The following IL19 variants were observed in gnomAD, a reference collection of about 807,000 sequenced individuals.
IL19 encodes the protein interleukin 19, also known as interleukin-19.
Under a neutral mutation model 19.5 loss-of-function variants are expected in IL19, and 15 were observed. The ratio of observed to expected loss-of-function variants is 0.77; its 90% CI spans 0.52 to 1.19. The LOEUF (loss-of-function observed/expected upper bound fraction) is 1.19, where lower values mean the gene tolerates loss of function less well. IL19 is among the 50% of genes most tolerant of loss of function. The probability of loss-of-function intolerance (pLI) is 0.00; values close to 1 mark genes in which losing one functional copy is unlikely to be tolerated. For missense variants in IL19, 199 were observed against 213.1 expected, an observed-to-expected ratio of 0.93 and a Z score of 0.41; for synonymous variants, 78 against 78.3, an observed-to-expected ratio of 1.00 and a Z score of 0.02.
intron 1 of IL19, among the ~76,000 whole-genome samples, chr1:206,777,997 C>A (rs1440880305): frequency 6.6e-6 from 1 of 152,188 alleles, no homozygotes; most frequent in East Asian, 1.9e-4. Flanking sequence ...GCACTGTATT[C>A]CTCTGGGCTT....
intron 1 of IL19, among the ~76,000 whole-genome samples, chr1:206,776,036 G>A (rs1248847898): frequency 6.6e-6 from 1 of 152,184 alleles, no homozygotes; most frequent in Non-Finnish European, 1.5e-5. Context: ...TCCAGTGGGG[G>A]ATGTACTGGG....
intron 2 of IL19, among the ~76,000 whole-genome samples, chr1:206,809,864 T>G (rs1467296457): frequency 6.6e-6 from 1 of 152,232 alleles, no homozygotes; most frequent in Non-Finnish European, 1.5e-5. Context: ...CATCAGTAGA[T>G]TGCATGTTGC....
chr1:206,823,183 G>A (rs985078727), intron 2 of IL19, among the ~76,000 whole-genome samples: 3 of 152,016 alleles, frequency 2.0e-5, no homozygotes, highest in Non-Finnish European at 1.5e-5. Context: ...ACTAGCCTCG[G>A]CATCCCAAAG....
At chr1:206,834,060 T>C in intron 2 of IL19, 2 of 985,582 alleles carry the variant, frequency 2.0e-6, no homozygotes, top group Non-Finnish European at 1.2e-6. Flanking sequence ...GAAAGTGACC[T>C]AAGTTGGATT....
chr1:206,809,718 C>A (rs964961339), intron 2 of IL19, among the ~76,000 whole-genome samples: 1 of 152,166 alleles, frequency 6.6e-6, no homozygotes, highest in African/African-American at 2.4e-5. Flanking sequence ...TTAGATGAGA[C>A]CTGCTTCAAA....
intron 2 of IL19, among the ~76,000 whole-genome samples, 174 bp downstream of exon 2, chr1:206,799,180 G>A (rs566206729): frequency 6.6e-6 from 1 of 152,288 alleles, no homozygotes; most frequent in South Asian, 2.1e-4. Context: ...AGGTTTAGGG[G>A]AGAAGGGGGG....
intron 2 of IL19, among the ~76,000 whole-genome samples, chr1:206,828,426 C>CCTACTCT (rs1676495146): frequency 6.6e-6 from 1 of 152,148 alleles, no homozygotes. Flanking sequence ...CTGGGCATGC[C>CCTACTCT]CTACTCTCTA....
At chr1:206,791,636 G>A (rs1273504653) in intron 1 of IL19, among the ~76,000 whole-genome samples, 2 of 152,164 alleles carry the variant, frequency 1.3e-5, no homozygotes, top group East Asian at 1.9e-4. Flanking sequence ...TGCACACTGT[G>A]CTCAGTCCCA....
chr1:206,826,835 T>C (rs1317533280), intron 2 of IL19, among the ~76,000 whole-genome samples: 1 of 152,146 alleles, frequency 6.6e-6, no homozygotes, highest in African/African-American at 2.4e-5. Flanking sequence ...AGGGAAGAGA[T>C]GCCTGTTTCT....
At chr1:206,807,621 G>A (rs1675881414) in intron 2 of IL19, among the ~76,000 whole-genome samples, 1 of 151,710 alleles carries the variant, frequency 6.6e-6, no homozygotes, top group Admixed American at 6.6e-5. Flanking sequence ...TTGTTTTTTT[G>A]GCACCCTTAT....
chr1:206,826,936 T>C (rs1168323620), intron 2 of IL19, among the ~76,000 whole-genome samples: 1 of 152,222 alleles, frequency 6.6e-6, no homozygotes, highest in Non-Finnish European at 1.5e-5. Flanking sequence ...TGGCCTCCGG[T>C]CCCAGCTCCA....
chr1:206,836,757 C>T lies in IL19; in HGVS notation c.95C>T (p.Thr32Ile). The change falls in exon 3 of 7, where the codon ACA (threonine) becomes ATA (isoleucine). Residue 32 changes from threonine to isoleucine, a missense_variant. By Grantham distance (89) the Thr-to-Ile change is moderately conservative (BLOSUM62 -1). Transcript: ENST00000659997. ...GGTCTCAGGAGATGTCTGATTTCCACAGACATGCACCATATAGAAGAGAGT... is the reference window on the plus strand; with the variant it reads ...GGTCTCAGGAGATGTCTGATTTCCATAGACATGCACCATATAGAAGAGAGT... Reference protein sequence around the residue: ...NHGLRRCLISTDMHHIEESFQ... With the variant: ...NHGLRRCLISIDMHHIEESFQ... 1.2e-6 allele frequency: 2 copies of T among 1,614,122 alleles called. No individual in the cohort carries two copies. Among genetic ancestry groups the T allele is most frequent in the Non-Finnish European group, 1.7e-6 (2 of 1,179,978 alleles).
intron 2 of IL19, among the ~76,000 whole-genome samples, chr1:206,812,223 CAG>C (rs1449527716): frequency 3.9e-5 from 6 of 152,200 alleles, no homozygotes; most frequent in Non-Finnish European, 7.3e-5. Flanking sequence ...GTCTGCGAAT[CAG>C]GGGTGGAAGA....
chr1:206,782,681 G>A (rs533582451), intron 1 of IL19, among the ~76,000 whole-genome samples: 1 of 152,288 alleles, frequency 6.6e-6, no homozygotes, highest in African/African-American at 2.4e-5. Flanking sequence ...AAACCCATGG[G>A]AGTTCTGGGG....
At chr1:206,799,128 C>A (rs1675608226) in intron 2 of IL19, 122 bp downstream of exon 2, 1 of 722,262 alleles carries the variant, frequency 1.4e-6, no homozygotes, top group Non-Finnish European at 2.4e-6. Flanking sequence ...GACAGGACTG[C>A]CTTTGTCTGT....
At chr1:206,818,616 T>C (rs1676220366) in intron 2 of IL19, among the ~76,000 whole-genome samples, 1 of 152,170 alleles carries the variant, frequency 6.6e-6, no homozygotes, top group Non-Finnish European at 1.5e-5. Context: ...ACTGAGTATG[T>C]TCACAGTTTA....
At chr1:206,779,425 T>C (rs1157253653) in intron 1 of IL19, among the ~76,000 whole-genome samples, 1 of 152,186 alleles carries the variant, frequency 6.6e-6, no homozygotes, top group Non-Finnish European at 1.5e-5. Flanking sequence ...ACCCATTTTA[T>C]GCACCCTTAA....
At chr1:206,778,693 A>G (rs1268819490) in intron 1 of IL19, among the ~76,000 whole-genome samples, 2 of 152,194 alleles carry the variant, frequency 1.3e-5, no homozygotes, top group African/African-American at 4.8e-5. Flanking sequence ...CTGCCAATTT[A>G]TGTAGTTGAT....
At chr1:206,772,672 GT>G (rs1384517505) in intron 1 of IL19, among the ~76,000 whole-genome samples, 4 of 152,154 alleles carry the variant, frequency 2.6e-5, no homozygotes, top group African/African-American at 9.7e-5. Context: ...AAAATGATTG[GT>G]TGAACATGAA....
Sources: allele counts gnomAD v4.1 joint callset (sites outside exome capture counted in the v4.1 genomes callset), GRCh38; gene constraint gnomAD v4.1.1; transcripts MANE v1.5; gene names NCBI Gene and HGNC (gene_info 2026-07-23, HGNC 2026-07-21).